HFM1: variants seen among roughly 807,000 people sequenced by gnomAD.
HFM1 encodes probable ATP-dependent DNA helicase HFM1.
HFM1 carries 169 observed loss-of-function variants against 192.1 expected under a neutral mutation model. The observed-to-expected ratio is 0.88, with a 90% CI of 0.78 to 1.00. The LOEUF is 1.00. Among genes scored for constraint, HFM1 ranks in the 50% least tolerant of loss-of-function variants. The pLI is 0.00. For missense variants in HFM1, 1,661 were observed against 1,668.0 expected (o/e 1.00, Z 0.07); for synonymous variants, 525 against 537.8 (o/e 0.98, Z 0.33).
rs76876999 is a variant in HFM1, at chr1:91,379,245, A to G, written c.1007-31T>C. ...ACAATATAAAATATTTACTTTGAAC[A>G]TCAGTTCAATTTTAAAATTCTTTTC... On this transcript the variant is annotated intron_variant, in intron 8 of 38. Transcript: ENST00000370425. The G allele has an allele frequency of 4.6e-4, 713 of 1,545,480 alleles. 3 individuals are homozygous for G. In the African/African-American group the frequency reaches 8.1e-3, roughly 18 times the overall value.
intron 13 of HFM1, among the ~76,000 whole-genome samples, chr1:91,373,508 C>A (rs2101946534): frequency 6.6e-6 from 1 of 152,110 alleles, no homozygotes; most frequent in South Asian, 2.1e-4. Context: ...AAATCTCATG[C>A]TAAATTGTAA....
At chr1:91,360,895 T>C (rs1658405432) in intron 13 of HFM1, among the ~76,000 whole-genome samples, 1 of 152,006 alleles carries the variant, frequency 6.6e-6, no homozygotes, top group Admixed American at 6.6e-5. Flanking sequence ...AGAAATACAC[T>C]CAAAACCACA....
At chr1:91,281,976 C>T (rs924301466) in intron 30 of HFM1, among the ~76,000 whole-genome samples, 2 of 152,222 alleles carry the variant, frequency 1.3e-5, no homozygotes, top group African/African-American at 2.4e-5. Context: ...TTTTGTGCCT[C>T]GTAAGCATTT....
At chr1:91,373,705 C>G (rs1660543674) in intron 13 of HFM1, among the ~76,000 whole-genome samples, 1 of 152,010 alleles carries the variant, frequency 6.6e-6, no homozygotes, top group South Asian at 2.1e-4. Context: ...CCTTTGCCTT[C>G]TGCCATGACT....
At chr1:91,360,029 A>C (rs1658287300) in intron 13 of HFM1, among the ~76,000 whole-genome samples, 1 of 152,224 alleles carries the variant, frequency 6.6e-6, no homozygotes, top group Admixed American at 6.5e-5. Flanking sequence ...AAAGCTTCAT[A>C]AGCAAAGGAG....
chr1:91,270,842 A>C (rs921363855), intron 34 of HFM1, among the ~76,000 whole-genome samples: 3 of 152,176 alleles, frequency 2.0e-5, no homozygotes, highest in African/African-American at 7.2e-5. Context: ...AGAAAACCTA[A>C]ATTTTAATGA....
At chr1:91,400,574 G>A (rs936428921) in intron 2 of HFM1, among the ~76,000 whole-genome samples, 4 of 151,696 alleles carry the variant, frequency 2.6e-5, no homozygotes, top group Non-Finnish European at 5.9e-5. Flanking sequence ...CTCCGCCTCC[G>A]GGCTTCAAGC....
In HFM1 at chr1:91,394,183, T is replaced by G. The variant is rs750839829; in HGVS notation, c.404A>C (p.Glu135Ala). The G allele has an allele frequency of 1.2e-6, 2 of 1,606,668 alleles. No homozygotes were observed. Residue 135 changes from glutamate (E) to alanine (A), a missense_variant, in exon 4 of 39, where the codon GAG becomes GCG. By Grantham distance (107) the Glu-to-Ala change is moderately radical. Transcript: ENST00000370425. ...SQKYKNHIGT[E>A]IAPEKSVPDD... ...AGGAACACTCTTCTCAGGTGCTATCTCAGTGCCAATGTGATTTTTATATTT... is the reference window on the plus strand; with the variant it reads ...AGGAACACTCTTCTCAGGTGCTATCGCAGTGCCAATGTGATTTTTATATTT...
chr1:91,269,375 T>G (rs1666064103), intron 34 of HFM1, among the ~76,000 whole-genome samples: 1 of 152,102 alleles, frequency 6.6e-6, no homozygotes, highest in Non-Finnish European at 1.5e-5. Flanking sequence ...TTTATGTAAT[T>G]AAATTTTCAA....
intron 30 of HFM1, among the ~76,000 whole-genome samples, chr1:91,302,039 G>A (rs1433979257): frequency 1.6e-5 from 2 of 127,472 alleles, no homozygotes; most frequent in African/African-American, 6.1e-5. Flanking sequence ...ATCTGACAAA[G>A]GGCTAATATC....
chr1:91,329,095 G>T, intron 20 of HFM1: 1 of 1,610,172 alleles, frequency 6.2e-7, no homozygotes, highest in Non-Finnish European at 8.5e-7. Flanking sequence ...AGTATCTGGA[G>T]TATTGGGCCC....
intron 9 of HFM1, 25 bp from the exon 10 acceptor site, chr1:91,378,505 GT>G (rs1333393903): frequency 7.7e-7 from 1 of 1,293,412 alleles, no homozygotes; most frequent in African/African-American, 1.5e-5. Context: ...AAGCATACAA[GT>G]AGTTTAATGT....
chr1:91,343,552 G>A, intron 19 of HFM1, 42 bp from the exon 20 acceptor site: 1 of 743,854 alleles, frequency 1.3e-6, no homozygotes, highest in African/African-American at 1.8e-5. Context: ...TAGTAAAATA[G>A]GGAAGTAGGG....
intron 20 of HFM1, among the ~76,000 whole-genome samples, chr1:91,339,432 G>A (rs1297282635): frequency 6.6e-6 from 1 of 151,954 alleles, no homozygotes; most frequent in Non-Finnish European, 1.5e-5. Context: ...GGACAAAATC[G>A]CCATTTTAAC....
chr1:91,393,268 TCTCA>T (rs1195679498), intron 4 of HFM1, among the ~76,000 whole-genome samples: 9 of 151,424 alleles, frequency 5.9e-5, no homozygotes, highest in Admixed American at 4.6e-4. Flanking sequence ...TGCTCAATAC[TCTCA>T]CTTTCTCTCT....
chr1:91,343,846 T>C (rs976358402), intron 19 of HFM1, among the ~76,000 whole-genome samples: 3 of 152,208 alleles, frequency 2.0e-5, no homozygotes, highest in Non-Finnish European at 4.4e-5. Context: ...TATTTTCATA[T>C]ATAGGTTAGG....
At chr1:91,391,183 A>G (rs1172764041) in intron 4 of HFM1, among the ~76,000 whole-genome samples, 1 of 152,240 alleles carries the variant, frequency 6.6e-6, no homozygotes, top group Non-Finnish European at 1.5e-5. Flanking sequence ...TGCCCAAGGT[A>G]ATTGATAGAT....
chr1:91,331,582 A>G (rs984344435), intron 20 of HFM1, among the ~76,000 whole-genome samples: 1 of 152,240 alleles, frequency 6.6e-6, no homozygotes, highest in Admixed American at 6.5e-5. Context: ...GAAAGAAGTG[A>G]AAGATCTTTG....
chr1:91,320,823 G>A (rs892228090), intron 23 of HFM1, among the ~76,000 whole-genome samples: 4 of 152,154 alleles, frequency 2.6e-5, no homozygotes, highest in South Asian at 2.1e-4. Context: ...CTCAGGTGAG[G>A]TGGCAGCTCT....
Sources: allele counts gnomAD v4.1 joint callset (sites outside exome capture counted in the v4.1 genomes callset), GRCh38; gene constraint gnomAD v4.1.1; transcripts MANE v1.5; gene names NCBI Gene and HGNC (gene_info 2026-07-23, HGNC 2026-07-21).